Variants in PACRG observed in about 807,000 individuals in gnomAD.
PACRG encodes parkin coregulated gene protein.
PACRG carries 29 observed loss-of-function variants against 29.7 expected under a neutral mutation model. The ratio of observed to expected loss-of-function variants is 0.98; its 90% CI spans 0.73 to 1.33. The LOEUF is 1.33. Ranked by LOEUF, PACRG falls within the 40% of genes most tolerant of loss-of-function variation. The pLI is 0.00. For synonymous variants in PACRG, 116 were observed against 118.7 expected (o/e 0.98, Z 0.15); for missense variants, 279 against 316.2 (o/e 0.88, Z 0.89).
At chr6:163,190,698 T>C (rs1033684951) in intron 4 of PACRG, 13 of 199,168 alleles carry the variant, frequency 6.5e-5, no homozygotes, top group African/African-American at 1.9e-4. Context: ...AGAACCCTAG[T>C]AAAATTTGTT....
At chr6:163,207,185 G>C (rs1780939221) in intron 4 of PACRG, among the ~76,000 whole-genome samples, 1 of 152,056 alleles carries the variant, frequency 6.6e-6, no homozygotes, top group Admixed American at 6.5e-5. Context: ...TGGTCCCAGT[G>C]GTATTTATCT....
intron 4 of PACRG, among the ~76,000 whole-genome samples, chr6:163,301,088 G>A (rs1386243545): frequency 6.6e-5 from 10 of 150,794 alleles, no homozygotes; most frequent in Admixed American, 5.3e-4. Flanking sequence ...AGTTTAGTAG[G>A]GCCACGTCTG....
intron 2 of PACRG, among the ~76,000 whole-genome samples, chr6:162,922,410 C>T (rs1797129309): frequency 1.3e-5 from 2 of 151,506 alleles, no homozygotes; most frequent in Admixed American, 1.3e-4. Flanking sequence ...TCATCTCAGA[C>T]ATTTATCATT....
At chr6:162,891,189 G>A (rs1794729365) in intron 2 of PACRG, among the ~76,000 whole-genome samples, 1 of 152,194 alleles carries the variant, frequency 6.6e-6, no homozygotes, top group Non-Finnish European at 1.5e-5. Context: ...CAGCAGCACT[G>A]CACTTTACAT....
chr6:163,269,867 G>GAGAAAGAAAGAGAAAGAAAGAAAGAA (rs1562349501), intron 4 of PACRG, among the ~76,000 whole-genome samples: 812 of 56,648 alleles, frequency 0.014, 175 homozygotes, highest in East Asian at 0.028. Flanking sequence ...GAGAAAGAAA[G>GAGAAAGAAAGAGAAAGAAAGAAAGAA]AGAAAGAAAG....
chr6:163,236,525 T>A (rs1782244800), intron 4 of PACRG, among the ~76,000 whole-genome samples: 2 of 152,190 alleles, frequency 1.3e-5, no homozygotes, highest in South Asian at 2.1e-4. Flanking sequence ...ATGAACTTCA[T>A]CTCATTTTAG....
chr6:163,001,784 CTGA>C (rs1379662984), intron 2 of PACRG, among the ~76,000 whole-genome samples: 1 of 152,024 alleles, frequency 6.6e-6, no homozygotes, highest in Non-Finnish European at 1.5e-5. Context: ...AGAAGTTACG[CTGA>C]TAAGATTTTG....
At chr6:162,760,601 G>A (rs1415933409) in intron 1 of PACRG, among the ~76,000 whole-genome samples, 1 of 152,166 alleles carries the variant, frequency 6.6e-6, no homozygotes, top group Non-Finnish European at 1.5e-5. Context: ...TTGATGTGAT[G>A]GAGGAACCAC....
At chr6:162,916,995 G>A (rs928613803) in intron 2 of PACRG, among the ~76,000 whole-genome samples, 3 of 152,124 alleles carry the variant, frequency 2.0e-5, no homozygotes, top group African/African-American at 7.2e-5. Flanking sequence ...TTTCCCAAAA[G>A]TTGGAACATC....
chr6:163,078,163 G>A lies in PACRG; in HGVS notation c.464-11096G>A, dbSNP rs115708780. Reference sequence around the variant, plus strand: ...CCAACTCTACCGCATAACTGCTATCGTCCAAGTTAACTACCTGGAGACTCA... The same window carrying A: ...CCAACTCTACCGCATAACTGCTATCATCCAAGTTAACTACCTGGAGACTCA... On this transcript the variant is annotated intron_variant, in intron 3 of 4. Coordinates refer to ENST00000366888, the MANE Select transcript of PACRG (RefSeq NM_001080379.2). Among the ~76,000 whole-genome samples the A allele has an allele frequency of 6.3e-3, 959 of 152,208 alleles. 5 individuals carry two copies. Among genetic ancestry groups the A allele is most frequent in the African/African-American group, 0.016 (669 of 41,504 alleles).
At chr6:163,244,147 T>A (rs1039756979) in intron 4 of PACRG, among the ~76,000 whole-genome samples, 5 of 152,246 alleles carry the variant, frequency 3.3e-5, no homozygotes, top group African/African-American at 1.2e-4. Context: ...AGTGTCCTAA[T>A]CTGGAATATA....
At chr6:163,288,424 C>A (rs1784470636) in intron 4 of PACRG, among the ~76,000 whole-genome samples, 1 of 152,182 alleles carries the variant, frequency 6.6e-6, no homozygotes, top group Non-Finnish European at 1.5e-5. Flanking sequence ...AGTTTCTTGG[C>A]CTTGATTTCC....
At chr6:162,976,263 T>C (rs1400853867) in intron 2 of PACRG, among the ~76,000 whole-genome samples, 1 of 152,144 alleles carries the variant, frequency 6.6e-6, no homozygotes, top group African/African-American at 2.4e-5. Context: ...GAAAACGATT[T>C]TGAGTTTTGA....
intron 1 of PACRG, among the ~76,000 whole-genome samples, chr6:162,747,666 A>T (rs1781191301): frequency 1.3e-5 from 2 of 151,026 alleles, no homozygotes; most frequent in Middle Eastern, 3.2e-3. Context: ...AGAATCAACC[A>T]ATCAACCAGA....
chr6:162,792,547 C>T lies in PACRG; in HGVS notation c.157-21600C>T, dbSNP rs557935378. Among the ~76,000 whole-genome samples the T allele has an allele frequency of 5.9e-5, 9 of 151,984 alleles. No individual in the cohort carries two copies. In the East Asian group the frequency reaches 1.8e-3, roughly 30 times the overall value. ...GGCCAAGGAACTAGAGAGGCTGAAGCACTGGTCCAACTATCTACACAGGCC... is the reference window on the plus strand; with the variant it reads ...GGCCAAGGAACTAGAGAGGCTGAAGTACTGGTCCAACTATCTACACAGGCC... On this transcript the variant is annotated intron_variant, in intron 1 of 4. Coordinates refer to ENST00000366888, the MANE Select transcript of PACRG (RefSeq NM_001080379.2).
chr6:163,057,037 G>C (rs1033221594), intron 2 of PACRG, among the ~76,000 whole-genome samples: 1 of 152,188 alleles, frequency 6.6e-6, no homozygotes, highest in African/African-American at 2.4e-5. Flanking sequence ...GAGTAAAACA[G>C]CGTGAGATAT....
intron 2 of PACRG, among the ~76,000 whole-genome samples, chr6:162,954,565 G>A (rs1287496695): frequency 6.6e-6 from 1 of 151,812 alleles, no homozygotes; most frequent in Admixed American, 6.6e-5. Flanking sequence ...AGTATTTCTG[G>A]TGTCCAGAGC....
At chr6:163,210,577 A>G (rs973275972) in intron 4 of PACRG, among the ~76,000 whole-genome samples, 2 of 152,242 alleles carry the variant, frequency 1.3e-5, no homozygotes, top group African/African-American at 2.4e-5. Flanking sequence ...TCCAAAGCAC[A>G]TGGATGATAT....
rs1006671976 is a variant in PACRG at position 162,853,364 on chromosome 6, G to T, written c.291+39083G>T. 1.1e-4 allele frequency among the ~76,000 whole-genome samples: 15 copies of T among 139,234 alleles called. No individual in the cohort carries two copies. Among genetic ancestry groups the T allele is most frequent in the African/African-American group, 3.7e-4 (11 of 29,620 alleles). The allele number at this position is 139,234 out of a possible 152,430, so 91.3% of individuals were successfully genotyped here. On this transcript the variant is annotated intron_variant, in intron 2 of 4. Coordinates refer to ENST00000366888, the MANE Select transcript of PACRG (RefSeq NM_001080379.2). This position sits in a 1 kb window ranked among gnomAD's most constrained non-coding sequence, Gnocchi z 4.7. ...TTGCTTTTCTTTGCAATACCTGGTT[G>T]AACCACTGACTTACCGTACGTTTTA...
Sources: gnomAD v4.1 joint callset for allele counts (sites outside exome capture counted in the v4.1 genomes callset) on GRCh38, gnomAD v4.1.1 for gene constraint, Gnocchi (gnomAD v3.1) non-coding constraint, MANE v1.5 for transcripts, NCBI Gene and HGNC (gene_info 2026-07-23, HGNC 2026-07-21) for gene names.